The following AFF2 variants were observed in gnomAD, a reference collection of about 807,000 sequenced individuals.
AFF2 encodes the protein ALF transcription elongation factor 2.
In AFF2, 14 loss-of-function variants were observed where a neutral mutation model predicts 76.9. The ratio of observed to expected loss-of-function variants is 0.18; its 90% CI spans 0.12 to 0.28. The LOEUF is 0.28. AFF2 is among the 10% of genes least tolerant of loss of function. The pLI, the probability that AFF2 is intolerant of heterozygous loss-of-function variation, is 1.00. For missense variants in AFF2, 868 were observed against 1,001.1 expected (o/e 0.87, Z 1.79); for synonymous variants, 398 against 366.7 (o/e 1.09, Z -0.98).
chrX:148,679,638 T>A (rs1252601182), intron 3 of AFF2, among the ~76,000 whole-genome samples: 1 of 111,743 alleles, frequency 8.9e-6, no homozygotes, highest in Admixed American at 9.5e-5. Context: ...TGAAAGAAAA[T>A]CTTGAGAAAT....
chrX:148,939,661 C>G (rs1176801673), intron 9 of AFF2, among the ~76,000 whole-genome samples: 7 of 111,954 alleles, frequency 6.3e-5, no homozygotes, highest in African/African-American at 1.9e-4. Flanking sequence ...GTTATGCACA[C>G]CATTTGAAGG....
intron 7 of AFF2, among the ~76,000 whole-genome samples, chrX:148,866,599 G>T (rs2070910211): frequency 8.9e-6 from 1 of 112,206 alleles, no homozygotes; most frequent in African/African-American, 3.2e-5. Context: ...GGGGCATAAA[G>T]GTGTCTTATA....
chrX:148,612,207 G>A (rs1041068518), intron 1 of AFF2, among the ~76,000 whole-genome samples: 7 of 111,650 alleles, frequency 6.3e-5, no homozygotes, highest in Admixed American at 9.5e-5. Context: ...TGACAATAGC[G>A]ACTTTTCCTA....
At position 148,992,730 on chromosome X, in the gene AFF2, C is replaced by G. The variant is rs1557292470; in HGVS notation, c.*1398C>G. 2 of 111,991 alleles carry G rather than the reference C, an allele frequency of 1.8e-5. No individual in the cohort carries two copies. The highest frequency in any genetic ancestry group is 5.6e-4 in the East Asian group (2 of 3,565). The allele number at this position is 111,991 out of a possible 1,213,427, so 9.2% of individuals were successfully genotyped here. A position where few individuals can be genotyped will look rare whatever the true frequency, so the allele number is the denominator to read the frequency against. On this transcript the variant is annotated 3_prime_UTR_variant, in exon 21 of 21. Coordinates refer to ENST00000370460, the MANE Select transcript of AFF2 (RefSeq NM_002025.4). ...ACATTTCTCACTGGTTGTGACTACCCCCTTATGATCCTTCACATTCATTTT... is the reference window on the plus strand; with the variant it reads ...ACATTTCTCACTGGTTGTGACTACCGCCTTATGATCCTTCACATTCATTTT...
At chrX:148,822,705 GT>G (rs2070343394) in intron 4 of AFF2, among the ~76,000 whole-genome samples, 1 of 6,560 alleles carries the variant, frequency 1.5e-4, no homozygotes, top group Non-Finnish European at 1.0e-3. Flanking sequence ...TTCCTCCAGG[GT>G]GTGTGTGTGT....
In AFF2 at chrX:148,527,394, AATGCAAGGC is replaced by A. The variant is rs1250859167; in HGVS notation, c.47+26254_47+26262del. On this transcript the variant is annotated intron_variant, in intron 1 of 20. Transcript: ENST00000370460. Reference sequence around the variant, plus strand: ...GGAGGCTACAGAAACATGAAAACTAAATGCAAGGCATGAATTTAGATTGGATCTTGGACC... The same window carrying A: ...GGAGGCTACAGAAACATGAAAACTAAATGAATTTAGATTGGATCTTGGACC... Among the ~76,000 whole-genome samples, 8 of 112,188 alleles carry A rather than the reference AATGCAAGGC, an allele frequency of 7.1e-5. No homozygotes were observed. In the Admixed American group the frequency reaches 7.5e-4, roughly 11 times the overall value.
At chrX:148,925,486 T>A (rs782472170) in intron 9 of AFF2, among the ~76,000 whole-genome samples, 1 of 112,444 alleles carries the variant, frequency 8.9e-6, no homozygotes, top group South Asian at 3.7e-4. Flanking sequence ...GTCAGCAGTT[T>A]GGTGTTCCAA....
chrX:148,657,510 T>C (rs1016142600), intron 2 of AFF2, among the ~76,000 whole-genome samples: 4 of 112,410 alleles, frequency 3.6e-5, no homozygotes, highest in African/African-American at 1.3e-4. Flanking sequence ...AATGAAATTA[T>C]ACTACTGATT....
chrX:148,767,424 CG>C (rs2069532523), intron 3 of AFF2, among the ~76,000 whole-genome samples: 1 of 111,439 alleles, frequency 9.0e-6, no homozygotes, highest in Non-Finnish European at 1.9e-5. Flanking sequence ...GTTTCTAAAA[CG>C]CAAACAAAGC....
intron 1 of AFF2, among the ~76,000 whole-genome samples, chrX:148,573,620 A>C (rs2053254311): frequency 9.0e-6 from 1 of 111,044 alleles, no homozygotes; most frequent in Non-Finnish European, 1.9e-5. Flanking sequence ...ATGTGGAGGA[A>C]GGTTAAATTT....
intron 9 of AFF2, among the ~76,000 whole-genome samples, chrX:148,905,407 AG>A (rs2071397504): frequency 8.9e-6 from 1 of 111,836 alleles, no homozygotes; most frequent in Non-Finnish European, 1.9e-5. Flanking sequence ...CAGGTCGTGC[AG>A]CTGGGGGTTG....
chrX:148,852,836 A>C (rs782263273), intron 7 of AFF2, among the ~76,000 whole-genome samples: 1 of 112,270 alleles, frequency 8.9e-6, no homozygotes, highest in African/African-American at 3.2e-5. Context: ...TGCACAGCCA[A>C]TGCTGGTAGT....
intron 7 of AFF2, among the ~76,000 whole-genome samples, chrX:148,879,926 T>TGAAATACC (rs782628325): frequency 2.6e-4 from 29 of 112,043 alleles, no homozygotes; most frequent in Non-Finnish European, 4.3e-4. Flanking sequence ...ATTAATCTTA[T>TGAAATACC]GAAATACCTA....
intron 9 of AFF2, among the ~76,000 whole-genome samples, chrX:148,919,987 T>C (rs781992500): frequency 8.9e-6 from 1 of 111,978 alleles, no homozygotes; most frequent in African/African-American, 3.2e-5. Flanking sequence ...ATCACACCTT[T>C]GCTCTATGTG....
intron 9 of AFF2, among the ~76,000 whole-genome samples, chrX:148,948,276 TGACTGATAGA>T (rs1569557409): frequency 8.9e-6 from 1 of 112,287 alleles, no homozygotes; most frequent in African/African-American, 3.2e-5. Flanking sequence ...AATAACCCTG[TGACTGATAGA>T]GTACTGTAGA....
intron 19 of AFF2, among the ~76,000 whole-genome samples, chrX:148,986,301 C>T (rs1449010000): frequency 8.9e-6 from 1 of 112,136 alleles, no homozygotes; most frequent in Non-Finnish European, 1.9e-5. Context: ...CATAGTGTGA[C>T]TGGAGGAGGA....
At chrX:148,503,126 C>T (rs2052371649) in intron 1 of AFF2, among the ~76,000 whole-genome samples, 1 of 112,565 alleles carries the variant, frequency 8.9e-6, no homozygotes, top group Non-Finnish European at 1.9e-5. Flanking sequence ...TCCCTCTGTA[C>T]ATGATCCAGG....
intron 3 of AFF2, among the ~76,000 whole-genome samples, chrX:148,707,617 C>A (rs782275069): frequency 2.7e-5 from 3 of 109,443 alleles, no homozygotes; most frequent in African/African-American, 1.0e-4. Flanking sequence ...TTTTGTGATT[C>A]TTTGAAGCAG....
chrX:148,772,516 T>A (rs2069600560), intron 3 of AFF2, among the ~76,000 whole-genome samples: 1 of 97,674 alleles, frequency 1.0e-5, no homozygotes, highest in African/African-American at 3.7e-5. Context: ...TGTTTTTTTT[T>A]CTTTCTTTTT....
Sources: allele counts gnomAD v4.1 joint callset (sites outside exome capture counted in the v4.1 genomes callset), GRCh38; gene constraint gnomAD v4.1.1; transcripts MANE v1.5; gene names NCBI Gene and HGNC (gene_info 2026-07-23, HGNC 2026-07-21).